The following ARAP2 variants were observed in gnomAD, a reference collection of about 807,000 sequenced individuals.
The protein encoded by ARAP2 is arf-GAP with Rho-GAP domain, ANK repeat and PH domain-containing protein 2.
ARAP2 carries 148 observed loss-of-function variants against 194.5 expected under a neutral mutation model. The observed-to-expected ratio is 0.76, with a 90% CI of 0.67 to 0.87. ARAP2 has a LOEUF of 0.87. Among genes scored for constraint, ARAP2 ranks in the 40% least tolerant of loss-of-function variants. The probability of loss-of-function intolerance (pLI) is 0.00; values close to 1 mark genes in which losing one functional copy is unlikely to be tolerated. For synonymous variants in ARAP2, 695 were observed against 683.5 expected (o/e 1.02, Z -0.26); for missense variants, 2,128 against 1,989.7 (o/e 1.07, Z -1.32).
At chr4:36,219,120 T>C (rs1017252563) in intron 2 of ARAP2, among the ~76,000 whole-genome samples, 3 of 152,228 alleles carry the variant, frequency 2.0e-5, no homozygotes. Flanking sequence ...ACACTGTTGA[T>C]GGTAATGCAA....
chr4:36,022,855 A>G (rs1717243827), intron 5 of ARAP2, among the ~76,000 whole-genome samples: 1 of 152,232 alleles, frequency 6.6e-6, no homozygotes, highest in Non-Finnish European at 1.5e-5. Context: ...GGTTGTAAAA[A>G]GAGAAAACTT....
At chr4:36,009,510 T>C (rs1188170524) in intron 9 of ARAP2, among the ~76,000 whole-genome samples, 2 of 151,940 alleles carry the variant, frequency 1.3e-5, no homozygotes, top group African/African-American at 4.8e-5. Flanking sequence ...CACTGGGCAA[T>C]ACAAGAGGGG....
intron 5 of ARAP2, among the ~76,000 whole-genome samples, 184 bp downstream of exon 5, chr4:36,212,212 A>G (rs1163256937): frequency 6.6e-6 from 1 of 152,040 alleles, no homozygotes; most frequent in East Asian, 1.9e-4. Flanking sequence ...TATTTACTTG[A>G]TCTACAGAGC....
Position 36,156,423 on chromosome 4 carries a change from GAAAGAAAGAAAGAAAGAAAGAGAA to G in ARAP2, c.2752+2283_2752+2306del, listed in dbSNP as rs1445764014. Among the ~76,000 whole-genome samples, 41 of 10,248 alleles carry G rather than the reference GAAAGAAAGAAAGAAAGAAAGAGAA, an allele frequency of 4.0e-3. 2 individuals are homozygous for G. Among genetic ancestry groups the G allele is most frequent in the South Asian group, 0.01 (2 of 196 alleles). 6.7% of individuals were successfully genotyped at this position (10,248 alleles called of 152,430 possible). On this transcript the variant is annotated intron_variant, in intron 15 of 32. Coordinates refer to ENST00000303965, the MANE Select transcript of ARAP2 (RefSeq NM_015230.4). ...AGAAAGAAAGAAAGAAAGAAAGAAA[GAAAGAAAGAAAGAAAGAAAGAGAA>G]AGAAAGAAAGAAAGAAAGAAATGAA...
chr4:36,138,458 A>G (rs986946789), intron 19 of ARAP2, among the ~76,000 whole-genome samples: 3 of 151,676 alleles, frequency 2.0e-5, no homozygotes, highest in African/African-American at 7.3e-5. Context: ...ATAGGAATGG[A>G]ATTACACAGT....
chr4:36,126,433 C>T (rs933617227), intron 21 of ARAP2, among the ~76,000 whole-genome samples: 1 of 151,856 alleles, frequency 6.6e-6, no homozygotes, highest in African/African-American at 2.4e-5. Context: ...ATACAATGAG[C>T]AATTCAACGA....
chr4:36,084,290 C>T (rs1560394143), intron 28 of ARAP2, among the ~76,000 whole-genome samples: 1 of 152,156 alleles, frequency 6.6e-6, no homozygotes, highest in Middle Eastern at 3.4e-3. Flanking sequence ...AGTGATTTTT[C>T]ATATTTTAAA....
chr4:36,123,832 T>C (rs1723250004), intron 22 of ARAP2, among the ~76,000 whole-genome samples: 2 of 151,862 alleles, frequency 1.3e-5, no homozygotes, highest in African/African-American at 4.8e-5. Context: ...CTAGTACTCC[T>C]ATGTCCCAGA....
At chr4:36,135,828 A>T (rs532808846) in intron 19 of ARAP2, among the ~76,000 whole-genome samples, 1 of 151,934 alleles carries the variant, frequency 6.6e-6, no homozygotes, top group African/African-American at 2.4e-5. Context: ...AATCTTTGTA[A>T]CTATTTGCTT....
At chr4:36,017,954 T>TGAATTCTTCTATTATAGTATCTATGA in intron 6 of ARAP2, among the ~76,000 whole-genome samples, 1 of 152,180 alleles carries the variant, frequency 6.6e-6, no homozygotes, top group Non-Finnish European at 1.5e-5. Context: ...TATGATTATT[T>TGAATTCTTCTATTATAGTATCTATGA]GAATTCTTCT....
intron 5 of ARAP2, among the ~76,000 whole-genome samples, chr4:36,211,161 CT>C (rs1350279912): frequency 6.6e-6 from 1 of 152,086 alleles, no homozygotes; most frequent in East Asian, 1.9e-4. Flanking sequence ...TTGCTTACCC[CT>C]CTCTACTATC....
chr4:36,039,790 C>T (rs1236467511), intron 5 of ARAP2, among the ~76,000 whole-genome samples: 1 of 151,956 alleles, frequency 6.6e-6, no homozygotes, highest in East Asian at 1.9e-4. Flanking sequence ...GAAGAGGTGT[C>T]ATAAAGAAAG....
chr4:36,077,375 G>T (rs939059261), intron 31 of ARAP2, among the ~76,000 whole-genome samples: 6 of 151,934 alleles, frequency 3.9e-5, no homozygotes, highest in Non-Finnish European at 8.8e-5. Flanking sequence ...GGTACTTTCT[G>T]CTTGGAGACC....
In ARAP2 at chr4:36,133,722, C is replaced by A. The variant is rs78924667; in HGVS notation, c.3264-333G>T. On this transcript the variant is annotated intron_variant, in intron 19 of 32. Coordinates refer to ENST00000303965, the MANE Select transcript of ARAP2 (RefSeq NM_015230.4). The stretch of plus-strand genomic sequence containing the variant: ...ACGTTTTTTAAGGTTTTAGAATTGT[C>A]GATTTTATTTCTTAAAAAGAGAAAA... 3.4e-3 allele frequency among the ~76,000 whole-genome samples: 519 copies of A among 151,764 alleles called. 1 individual carries two copies. The highest frequency in any genetic ancestry group is 6.8e-3 in the Middle Eastern group (2 of 294).
At chr4:36,232,763 A>G (rs1039851660) in intron 1 of ARAP2, among the ~76,000 whole-genome samples, 2 of 152,184 alleles carry the variant, frequency 1.3e-5, no homozygotes, top group African/African-American at 2.4e-5. Context: ...CTTGACATAT[A>G]TCTATAATTT....
At chr4:36,093,344 C>G (rs1240094914) in intron 27 of ARAP2, among the ~76,000 whole-genome samples, 9 of 151,760 alleles carry the variant, frequency 5.9e-5, no homozygotes, top group Non-Finnish European at 1.2e-4. Context: ...CGCATGTACC[C>G]CTGAACTTAA....
At chr4:36,198,677 C>T (rs1398381882) in intron 6 of ARAP2, among the ~76,000 whole-genome samples, 1 of 152,238 alleles carries the variant, frequency 6.6e-6, no homozygotes, top group African/African-American at 2.4e-5. Flanking sequence ...TGGGCTGTGA[C>T]AGTACCTGGC....
rs775159483 is a variant in ARAP2, at chr4:36,165,055, T to C, written c.2032A>G (p.Ile678Val). Residue 678 changes from isoleucine (I) to valine (V), a missense_variant, in exon 11 of 33, where the codon ATA becomes GTA. Coordinates refer to ENST00000303965, the MANE Select transcript of ARAP2 (RefSeq NM_015230.4). ...TCATAATCAGAGAGAGTTTCTGCTA[T>C]TGATTGCTGCACAGCTTCAATCCAG... is the stretch of plus-strand genomic sequence containing the variant. ...QDWIEAVQQSIAETLSDYEVA... is the reference protein window; with the variant it reads ...QDWIEAVQQSVAETLSDYEVA... 8.1e-6 allele frequency: 13 copies of C among 1,614,004 alleles called. No individual in the cohort carries two copies. The highest frequency in any genetic ancestry group is 1.1e-5 in the Non-Finnish European group (13 of 1,179,966).
chr4:36,013,109 CTTG>C (rs1714848546), intron 8 of ARAP2, among the ~76,000 whole-genome samples: 1 of 152,070 alleles, frequency 6.6e-6, no homozygotes, highest in Non-Finnish European at 1.5e-5. Flanking sequence ...GAAGTTTATT[CTTG>C]TTGCATTATC....
Sources: gnomAD v4.1 joint callset for allele counts (sites outside exome capture counted in the v4.1 genomes callset) on GRCh38, gnomAD v4.1.1 for gene constraint, MANE v1.5 for transcripts, NCBI Gene and HGNC (gene_info 2026-07-23, HGNC 2026-07-21) for gene names.